VPS54: variants seen among roughly 807,000 people sequenced by gnomAD.
VPS54 encodes vacuolar protein sorting-associated protein 54.
In VPS54, 45 loss-of-function variants were observed where a neutral mutation model predicts 121.5. That is an observed-to-expected ratio of 0.37 (90% CI 0.29 to 0.47). The LOEUF (loss-of-function observed/expected upper bound fraction) is 0.47. Ranked by LOEUF, VPS54 falls within the 20% of genes least tolerant of loss-of-function variation. VPS54 has a pLI of 0.99. For missense variants in VPS54, 1,090 were observed against 1,131.4 expected, an observed-to-expected ratio of 0.96 and a Z score of 0.52; for synonymous variants, 371 against 385.8, an observed-to-expected ratio of 0.96 and a Z score of 0.45.
chr2:63,900,814 G>A lies in VPS54; in HGVS notation c.2626-1233C>T, dbSNP rs74969760. On this transcript the variant is annotated intron_variant, in intron 20 of 22. Coordinates refer to ENST00000272322, the MANE Select transcript of VPS54 (RefSeq NM_016516.3). The stretch of plus-strand genomic sequence containing the variant: ...AGTCTCACTCTGATGACAAGCTGGA[G>A]TGCAGTGGTGCAATCTCAGCTCATT... 4.6e-5 allele frequency among the ~76,000 whole-genome samples: 7 copies of A among 152,164 alleles called. No homozygotes were observed. The East Asian group carries it at 1.2e-3, about 25-fold the overall frequency.
intron 5 of VPS54, among the ~76,000 whole-genome samples, chr2:63,968,040 T>C (rs1676091230): frequency 6.6e-6 from 1 of 152,168 alleles, no homozygotes; most frequent in Non-Finnish European, 1.5e-5. Context: ...GAGCCTTAAA[T>C]GACAAACTTT....
At position 63,962,080 on chromosome 2, in the gene VPS54, G is replaced by A. The variant is rs1255583577; in HGVS notation, c.988C>T (p.Leu330Phe). Residue 330 changes from leucine (L) to phenylalanine (F), a missense_variant, in exon 7 of 23, where the codon CTT (leucine) becomes TTT (phenylalanine). Transcript: ENST00000272322. ...ATTQEVLQQE[L>F]QGIHSFRHLG... ...TACCGGAAACTGTGAATGCCCTGAA[G>A]TTCCTGCTGTAGAACCTCTTGTGTT... The A allele has an allele frequency of 6.3e-7, 1 of 1,578,574 alleles. No homozygotes were observed. The highest frequency in any genetic ancestry group is 8.7e-7 in the Non-Finnish European group (1 of 1,155,280).
At chr2:63,929,484 C>A (rs974921821) in intron 12 of VPS54, among the ~76,000 whole-genome samples, 1 of 152,130 alleles carries the variant, frequency 6.6e-6, no homozygotes. Flanking sequence ...AAAGACACAA[C>A]GTACCAGAAT....
At chr2:63,971,092 G>A (rs1049722501) in intron 4 of VPS54, among the ~76,000 whole-genome samples, 2 of 152,170 alleles carry the variant, frequency 1.3e-5, no homozygotes, top group Admixed American at 1.3e-4. Flanking sequence ...GTCCAAGCAA[G>A]AAACCTGGGA....
chr2:63,929,052 T>A (rs953768077), intron 12 of VPS54, among the ~76,000 whole-genome samples: 4 of 152,038 alleles, frequency 2.6e-5, no homozygotes, highest in African/African-American at 9.7e-5. Context: ...AGACTTACAC[T>A]CCCACACAAT....
chr2:63,978,655 T>G (rs1035142329), intron 3 of VPS54, among the ~76,000 whole-genome samples: 1 of 152,186 alleles, frequency 6.6e-6, no homozygotes, highest in African/African-American at 2.4e-5. Context: ...GGAGTCTTGC[T>G]GTCACCCAGG....
intron 22 of VPS54, 36 bp downstream of exon 22, chr2:63,897,460 T>C: frequency 7.5e-7 from 1 of 1,337,608 alleles, no homozygotes; most frequent in Non-Finnish European, 1.0e-6. Flanking sequence ...AACAATTCGA[T>C]ATGGGAGTAT....
chr2:63,969,309 G>A (rs1007718209), intron 4 of VPS54, among the ~76,000 whole-genome samples: 1 of 152,142 alleles, frequency 6.6e-6, no homozygotes, highest in African/African-American at 2.4e-5. Context: ...GGCCTGTTAG[G>A]AACCAGGTTG....
At chr2:63,947,171 A>G (rs1427384416) in intron 9 of VPS54, among the ~76,000 whole-genome samples, 2 of 152,074 alleles carry the variant, frequency 1.3e-5, no homozygotes, top group Non-Finnish European at 2.9e-5. Flanking sequence ...TAATGACAAC[A>G]TAAGAAAATC....
rs1675802610 is a variant in VPS54, at chr2:63,962,215, T to C, written c.853A>G (p.Lys285Glu). Residue 285 changes from lysine to glutamate, a missense_variant, in exon 7 of 23, where the codon AAA (lysine) becomes GAA (glutamate). By Grantham distance (56) the Lys-to-Glu change is moderately conservative. Around this residue, in one of 2 missense-constraint regions of VPS54, gnomAD observed 801 missense variants for 757.0 expected, o/e 1.06. Coordinates refer to ENST00000272322, the MANE Select transcript of VPS54 (RefSeq NM_016516.3). ...RLALTRNNCV[K>E]VYNKLKLMAT... is the part of the protein sequence containing the mutation. ...ATTAACTTCAGCTTATTGTATACTT[T>C]AACACAATTATTTCTGGTAAGTGCC... The C allele has an allele frequency of 1.2e-6, 2 of 1,613,936 alleles. No homozygotes were observed. The highest frequency in any genetic ancestry group is 1.7e-5 in the Admixed American group (1 of 60,002).
chr2:63,997,200 G>C (rs777976941), intron 1 of VPS54, among the ~76,000 whole-genome samples: 1 of 152,134 alleles, frequency 6.6e-6, no homozygotes, highest in Admixed American at 6.5e-5. Context: ...TTTGGTATCA[G>C]GGTAATACTG....
chr2:63,962,570 T>G, intron 6 of VPS54, 127 bp from the exon 7 acceptor site: 1 of 1,199,782 alleles, frequency 8.3e-7, no homozygotes, highest in South Asian at 1.7e-5. Context: ...ATTGTTTGAT[T>G]GTGAGATCCT....
intron 2 of VPS54, among the ~76,000 whole-genome samples, chr2:63,983,557 C>A (rs1676897686): frequency 6.6e-6 from 1 of 151,562 alleles, no homozygotes; most frequent in African/African-American, 2.4e-5. Context: ...ATTCTCCTGC[C>A]TCAGCCTCCA....
rs915090038 is a variant in VPS54, at chr2:63,892,878, GA to G, written c.*551del. 2.6e-5 allele frequency: 4 copies of G among 153,180 alleles called. No individual in the cohort carries two copies. Among genetic ancestry groups the G allele is most frequent in the African/African-American group, 9.7e-5 (4 of 41,402 alleles). The allele number at this position is 153,180 out of a possible 1,614,324, so 9.5% of individuals were successfully genotyped here. On this transcript the variant is annotated 3_prime_UTR_variant, in exon 23 of 23. Transcript: ENST00000272322. ...AGCCTGCAACTTGACATTGGTCACT[GA>G]AACAAAAATTGAATTCCTAAATCCA...
chr2:64,004,509 C>A (rs962170911), intron 1 of VPS54, among the ~76,000 whole-genome samples: 2 of 152,138 alleles, frequency 1.3e-5, no homozygotes, highest in African/African-American at 4.8e-5. Context: ...GGAGGACAAC[C>A]TGATATTATG....
chr2:63,987,515 T>C (rs1677109981), intron 1 of VPS54, among the ~76,000 whole-genome samples: 1 of 152,246 alleles, frequency 6.6e-6, no homozygotes, highest in Non-Finnish European at 1.5e-5. Flanking sequence ...TCCAAGTCTT[T>C]TGTGGTTCTA....
chr2:63,998,261 A>G (rs994785080), intron 1 of VPS54, among the ~76,000 whole-genome samples: 8 of 152,290 alleles, frequency 5.3e-5, no homozygotes, highest in African/African-American at 1.2e-4. Context: ...CTACTAGAGA[A>G]TATCTTTTTC....
intron 3 of VPS54, among the ~76,000 whole-genome samples, chr2:63,972,827 G>A (rs1373384124): frequency 2.6e-5 from 4 of 151,696 alleles, no homozygotes; most frequent in Admixed American, 6.6e-5. Flanking sequence ...GCAGTGAACC[G>A]AGATCATGCC....
intron 20 of VPS54, among the ~76,000 whole-genome samples, chr2:63,906,186 A>T (rs1672896432): frequency 6.6e-6 from 1 of 152,216 alleles, no homozygotes; most frequent in African/African-American, 2.4e-5. Context: ...CCAGTGCCAT[A>T]AAGCAAGGAA....
Sources: gnomAD v4.1 joint callset for allele counts (sites outside exome capture counted in the v4.1 genomes callset) on GRCh38, gnomAD v4.1.1 for gene constraint, gnomAD v4.1.1 regional missense constraint, MANE v1.5 for transcripts, NCBI Gene and HGNC (gene_info 2026-07-23, HGNC 2026-07-21) for gene names.